The following LRRC7 variants were observed in gnomAD, a reference collection of about 807,000 sequenced individuals.
LRRC7 encodes the protein leucine rich repeat containing 7.
In LRRC7, 23 loss-of-function variants were observed where a neutral mutation model predicts 175.7. The ratio of observed to expected loss-of-function variants is 0.13; its 90% CI spans 0.09 to 0.19. LRRC7 has a LOEUF of 0.19. Among genes scored for constraint, LRRC7 ranks in the 10% least tolerant of loss-of-function variants. LRRC7 has a pLI of 1.00. For synonymous variants in LRRC7, 685 were observed against 680.9 expected, an observed-to-expected ratio of 1.01 and a Z score of -0.09; for missense variants, 1,354 against 1,904.7, an observed-to-expected ratio of 0.71 and a Z score of 5.38.
At chr1:69,960,931 A>G (rs895087492) in intron 8 of LRRC7, among the ~76,000 whole-genome samples, 2 of 152,164 alleles carry the variant, frequency 1.3e-5, no homozygotes, top group African/African-American at 4.8e-5. Context: ...AAAGACAAGA[A>G]TACCCTCTCT....
intron 11 of LRRC7, among the ~76,000 whole-genome samples, chr1:70,011,447 C>G (rs896128754): frequency 3.9e-5 from 6 of 152,066 alleles, no homozygotes; most frequent in African/African-American, 1.2e-4. Flanking sequence ...CCCTCTCCAC[C>G]CTTCTCCTTA....
At chr1:70,032,482 A>G (rs551478815) in intron 18 of LRRC7, among the ~76,000 whole-genome samples, 1 of 152,140 alleles carries the variant, frequency 6.6e-6, no homozygotes, top group Non-Finnish European at 1.5e-5. Context: ...GGAAGCCTAC[A>G]GTAAATAATT....
intron 1 of LRRC7, among the ~76,000 whole-genome samples, chr1:69,660,979 A>G (rs1336304532): frequency 6.6e-6 from 1 of 152,050 alleles, no homozygotes; most frequent in Non-Finnish European, 1.5e-5. Flanking sequence ...ACATTAATAT[A>G]AATAACTTAT....
chr1:69,853,574 G>A (rs866531475), intron 7 of LRRC7, among the ~76,000 whole-genome samples: 1 of 152,060 alleles, frequency 6.6e-6, no homozygotes, highest in African/African-American at 2.4e-5. Context: ...ACCGCACCCT[G>A]CCCATTTGTT....
intron 4 of LRRC7, among the ~76,000 whole-genome samples, chr1:69,806,465 T>A (rs1311595880): frequency 6.6e-6 from 1 of 151,918 alleles, no homozygotes; most frequent in Non-Finnish European, 1.5e-5. Flanking sequence ...GTCGTATGAC[T>A]CTCTCTATTG....
chr1:69,717,672 G>A (rs1665531143), intron 2 of LRRC7, among the ~76,000 whole-genome samples: 1 of 150,416 alleles, frequency 6.6e-6, no homozygotes. Flanking sequence ...GTAAAACTGT[G>A]TTTATAGATA....
At chr1:69,694,207 T>A (rs1455168386) in intron 2 of LRRC7, among the ~76,000 whole-genome samples, 1 of 152,198 alleles carries the variant, frequency 6.6e-6, no homozygotes, top group African/African-American at 2.4e-5. Context: ...GAGTGTTCCC[T>A]TAGGGCAAGG....
intron 24 of LRRC7, among the ~76,000 whole-genome samples, chr1:70,076,615 T>C (rs183477606): frequency 7.9e-5 from 12 of 152,310 alleles, no homozygotes; most frequent in Admixed American, 3.9e-4. Context: ...ATTTTGAATG[T>C]TATAAAGGAC....
chr1:69,590,941 A>G (rs1458351012), intron 1 of LRRC7, among the ~76,000 whole-genome samples: 2 of 152,170 alleles, frequency 1.3e-5, no homozygotes, highest in East Asian at 1.9e-4. Context: ...AAAACATGCT[A>G]TAAAATGTCA....
intron 2 of LRRC7, among the ~76,000 whole-genome samples, chr1:69,753,956 TAG>T (rs1670126917): frequency 6.6e-6 from 1 of 152,036 alleles, no homozygotes; most frequent in Non-Finnish European, 1.5e-5. Flanking sequence ...TATGCAGAGG[TAG>T]CCATAGATCT....
chr1:69,908,385 C>G (rs61782601), intron 7 of LRRC7, among the ~76,000 whole-genome samples: 14,610 of 151,198 alleles, frequency 0.097, 1,545 homozygotes, highest in African/African-American at 0.26. Context: ...TTCCTGCTTT[C>G]TCTTGTGGGC....
intron 7 of LRRC7, among the ~76,000 whole-genome samples, chr1:69,859,111 C>T (rs1684068133): frequency 6.6e-6 from 1 of 152,044 alleles, no homozygotes; most frequent in South Asian, 2.1e-4. Flanking sequence ...ATTCCCCTAC[C>T]GCCTCTGCCC....
At chr1:69,684,047 T>C (rs1429100711) in intron 2 of LRRC7, among the ~76,000 whole-genome samples, 1 of 152,202 alleles carries the variant, frequency 6.6e-6, no homozygotes, top group Non-Finnish European at 1.5e-5. Context: ...AAAGATTTAA[T>C]GTAATGTACT....
intron 1 of LRRC7, among the ~76,000 whole-genome samples, chr1:69,629,536 G>T (rs1405506672): frequency 6.6e-6 from 1 of 151,978 alleles, no homozygotes; most frequent in Non-Finnish European, 1.5e-5. Flanking sequence ...TCAGTCACTT[G>T]GTCTATAACC....
intron 11 of LRRC7, among the ~76,000 whole-genome samples, chr1:70,006,822 C>T (rs764099207): frequency 1.3e-5 from 2 of 152,062 alleles, no homozygotes; most frequent in African/African-American, 2.4e-5. Context: ...GCTAGAATGG[C>T]TCACAAAAAT....
At chr1:69,692,863 T>C (rs1338561281) in intron 2 of LRRC7, among the ~76,000 whole-genome samples, 1 of 152,170 alleles carries the variant, frequency 6.6e-6, no homozygotes, top group Non-Finnish European at 1.5e-5. Flanking sequence ...TTTAAGTTGG[T>C]AGCCCTCCCT....
At chr1:69,641,109 C>T (rs1654129782) in intron 1 of LRRC7, among the ~76,000 whole-genome samples, 1 of 151,488 alleles carries the variant, frequency 6.6e-6, no homozygotes, top group Admixed American at 6.6e-5. Flanking sequence ...TTATTTTTTC[C>T]ATGTAACAAG....
intron 1 of LRRC7, among the ~76,000 whole-genome samples, chr1:69,636,880 G>C (rs77994260): frequency 6.6e-6 from 1 of 151,888 alleles, no homozygotes; most frequent in Non-Finnish European, 1.5e-5. Context: ...GATCATAAAA[G>C]ATATAAATAT....
At chr1:69,842,009 G>C (rs1570269888) in intron 7 of LRRC7, among the ~76,000 whole-genome samples, 2 of 152,188 alleles carry the variant, frequency 1.3e-5, no homozygotes, top group South Asian at 2.1e-4. Flanking sequence ...TCTCTCTCTA[G>C]ATGGTTTCAA....
Sources: allele counts gnomAD v4.1 joint callset (sites outside exome capture counted in the v4.1 genomes callset), GRCh38; gene constraint gnomAD v4.1.1; transcripts MANE v1.5; gene names NCBI Gene and HGNC (gene_info 2026-07-23, HGNC 2026-07-21).